DNAAF1: variants seen among roughly 807,000 people sequenced by gnomAD.
DNAAF1 encodes the protein dynein axonemal assembly factor 1.
In DNAAF1, 65 loss-of-function variants were observed where a neutral mutation model predicts 71.1. That is an observed-to-expected ratio of 0.91 (90% CI 0.75 to 1.12). DNAAF1 has a LOEUF of 1.12. Ranked by LOEUF, DNAAF1 falls within the 50% of genes most tolerant of loss-of-function variation. DNAAF1 has a pLI of 0.00. For missense variants in DNAAF1, 1,178 were observed against 899.8 expected, an observed-to-expected ratio of 1.31 and a Z score of -3.96; for synonymous variants, 414 against 354.6, an observed-to-expected ratio of 1.17 and a Z score of -1.88.
At chr16:84,150,487 G>C in intron 3 of DNAAF1, 145 bp downstream of exon 3, 2 of 730,242 alleles carry the variant, frequency 2.7e-6, no homozygotes, top group East Asian at 2.7e-5. Flanking sequence ...TTATGGAAAA[G>C]GAATAACATT....
chr16:84,152,643 G>C (rs1453312356), intron 3 of DNAAF1, among the ~76,000 whole-genome samples: 1 of 117,208 alleles, frequency 8.5e-6, no homozygotes, highest in East Asian at 2.5e-4. Context: ...GCAAGATTCT[G>C]TCTCAAAAAA....
intron 6 of DNAAF1, among the ~76,000 whole-genome samples, chr16:84,164,537 G>C (rs1271236904): frequency 1.3e-5 from 2 of 152,162 alleles, no homozygotes; most frequent in African/African-American, 4.8e-5. Context: ...TTTATGGACT[G>C]GCTTCTTTCA....
chr16:84,170,370 A>T lies in DNAAF1; in HGVS notation c.1528+14A>T. ...CTGCCAGGGAAGGTAATGTGAGCGG[A>T]GAAACACACACAGACACACACACCT... is the stretch of plus-strand genomic sequence containing the variant. On this transcript the variant is annotated intron_variant, in intron 8 of 11. Coordinates refer to ENST00000378553, the MANE Select transcript of DNAAF1 (RefSeq NM_178452.6). 1 of 1,613,572 alleles carries T rather than the reference A, an allele frequency of 6.2e-7. No homozygotes were observed. Among genetic ancestry groups the T allele is most frequent in the Non-Finnish European group, 8.5e-7 (1 of 1,180,024 alleles).
Position 84,145,373 on chromosome 16 carries a change from C to T in DNAAF1, c.-68C>T. 1.9e-6 allele frequency: 3 copies of T among 1,549,320 alleles called. No homozygotes were observed. The highest frequency in any genetic ancestry group is 2.6e-6 in the Non-Finnish European group (3 of 1,148,188). On this transcript the variant is annotated 5_prime_UTR_variant, in exon 1 of 12. Coordinates refer to ENST00000378553, the MANE Select transcript of DNAAF1 (RefSeq NM_178452.6). ...GGGTACTCTCTGGCTGGGCTGGGGC[C>T]GTAGCGACGTCCGCCGCGAACCTGG...
Position 84,165,762 on chromosome 16 carries a change from GTTTC to G in DNAAF1, c.864-17_864-14del, listed in dbSNP as rs141073777. The G allele has an allele frequency of 7.1e-3, 11,419 of 1,611,678 alleles. 664 individuals are homozygous for G. The African/African-American group carries it at 0.13, about 19-fold the overall frequency. On this transcript the variant is annotated splice_polypyrimidine_tract_variant and intron_variant, in intron 6 of 11. Transcript: ENST00000378553. The stretch of plus-strand genomic sequence containing the variant: ...TTTGGAGTTCACCTCCCCTATTTAT[GTTTC>G]TTTGTTTTTTAAACAGAGCTTGTGC...
intron 6 of DNAAF1, among the ~76,000 whole-genome samples, chr16:84,160,928 C>T (rs2087677653): frequency 6.7e-6 from 1 of 149,310 alleles, no homozygotes; most frequent in Non-Finnish European, 1.5e-5. Flanking sequence ...CAGAGCGAGA[C>T]TCCGTCTCAA....
At position 84,165,718 on chromosome 16, in the gene DNAAF1, G is replaced by A. The variant is rs1014386940; in HGVS notation, c.864-65G>A. ...CTTTGATTTTGAAGAAAATGAGCAA[G>A]TTGATCAGACAGTGTATGTTTGGAG... On this transcript the variant is annotated intron_variant, in intron 6 of 11. Transcript: ENST00000378553. The A allele has an allele frequency of 3.3e-6, 5 of 1,492,610 alleles. No individual in the cohort carries two copies. The African/African-American group carries it at 6.9e-5, about 21-fold the overall frequency. 92.5% of individuals were successfully genotyped at this position (1,492,610 alleles called of 1,614,324 possible).
intron 9 of DNAAF1, chr16:84,173,558 G>A: frequency 2.0e-6 from 2 of 984,876 alleles, no homozygotes; most frequent in Non-Finnish European, 2.4e-6. Flanking sequence ...CAAAGGCCAG[G>A]TGTGGAGGCT....
At chr16:84,172,215 C>T (rs1567564340) in intron 8 of DNAAF1, 45 bp from the exon 9 acceptor site, 1 of 1,581,436 alleles carries the variant, frequency 6.3e-7, no homozygotes, top group African/African-American at 1.3e-5. Flanking sequence ...GTCCATCTGC[C>T]TGCCGTGTGT....
intron 6 of DNAAF1, among the ~76,000 whole-genome samples, chr16:84,162,906 C>T (rs2087783520): frequency 6.6e-6 from 1 of 152,132 alleles, no homozygotes; most frequent in South Asian, 2.1e-4. Flanking sequence ...CACTCCTCTG[C>T]TTTCCCTCTC....
chr16:84,150,189 G>A (rs2151209686), intron 2 of DNAAF1, 62 bp from the exon 3 acceptor site: 2 of 1,270,408 alleles, frequency 1.6e-6, no homozygotes, highest in South Asian at 1.2e-5. Flanking sequence ...AAAGAACTGT[G>A]AGAATATGTT....
intron 1 of DNAAF1, among the ~76,000 whole-genome samples, chr16:84,145,913 T>C (rs1167402981): frequency 6.6e-6 from 1 of 151,952 alleles, no homozygotes; most frequent in African/African-American, 2.4e-5. Context: ...CTGGCCAACA[T>C]AGTGAAACCC....
intron 1 of DNAAF1, among the ~76,000 whole-genome samples, chr16:84,148,043 G>A (rs1029797053): frequency 6.6e-6 from 1 of 152,012 alleles, no homozygotes; most frequent in Non-Finnish European, 1.5e-5. Flanking sequence ...ACTCCAACCT[G>A]GGGGATAGAC....
At chr16:84,148,596 C>CTCTCTCTTTTTTTTTTTTTTTTTTTTT in intron 1 of DNAAF1, among the ~76,000 whole-genome samples, 12 of 43,572 alleles carry the variant, frequency 2.8e-4, no homozygotes, top group African/African-American at 5.5e-4. Flanking sequence ...CTCTCTCTCT[C>CTCTCTCTTTTTTTTTTTTTTTTTTTTT]TTTTTTTTTT....
In DNAAF1 at chr16:84,155,437, C is replaced by CA. The variant is rs577925984; in HGVS notation, c.575-145dup. ...GGATATGGGGTCTCACTGTGTTGCC[C>CA]AGGCTGGTCTCAAACCTCCTGGGCT... On this transcript the variant is annotated intron_variant, in intron 4 of 11. Coordinates refer to ENST00000378553, the MANE Select transcript of DNAAF1 (RefSeq NM_178452.6). 4,120 of 896,308 alleles carry CA rather than the reference C, an allele frequency of 4.6e-3. 21 individuals carry two copies. Among genetic ancestry groups the CA allele is most frequent in the Non-Finnish European group, 6.3e-3 (3,493 of 550,748 alleles). The allele number at this position is 896,308 out of a possible 1,614,324, so 55.5% of individuals were successfully genotyped here.
intron 3 of DNAAF1, among the ~76,000 whole-genome samples, chr16:84,152,186 C>G (rs756065243): frequency 6.6e-6 from 1 of 152,034 alleles, no homozygotes; most frequent in Admixed American, 6.6e-5. Context: ...GGGAGAGCAA[C>G]AAGTTGGAGA....
Position 84,177,025 on chromosome 16 carries a change from T to C in DNAAF1, c.2066-704T>C, listed in dbSNP as rs56993838. ...ATCTGCCTTCAGGTGCACTCCCAAATTGGGGGCTGTGTGGAGCCCAGACCG... is the reference window on the plus strand; with the variant it reads ...ATCTGCCTTCAGGTGCACTCCCAAACTGGGGGCTGTGTGGAGCCCAGACCG... On this transcript the variant is annotated intron_variant, in intron 11 of 11. Transcript: ENST00000378553. The C allele has an allele frequency of 3.9e-3, 638 of 165,354 alleles. 5 individuals are homozygous for C. Among genetic ancestry groups the C allele is most frequent in the African/African-American group, 0.015 (608 of 41,766 alleles). The allele number at this position is 165,354 out of a possible 1,614,324, so 10.2% of individuals were successfully genotyped here.
Position 84,172,938 on chromosome 16 carries a change from G to C in DNAAF1, c.1644+563G>C. The C allele has an allele frequency of 4.0e-6, 4 of 1,007,026 alleles. No homozygotes were observed. In the South Asian group the frequency reaches 1.3e-4, roughly 32 times the overall value. 62.4% of individuals were successfully genotyped at this position (1,007,026 alleles called of 1,614,324 possible). ...TCTTCCCTGAAGCTCTTCCCATTTTGTTGACAGTCTCAAATGCTTAGGCCC... is the reference window on the plus strand; with the variant it reads ...TCTTCCCTGAAGCTCTTCCCATTTTCTTGACAGTCTCAAATGCTTAGGCCC... On this transcript the variant is annotated intron_variant, in intron 9 of 11. Coordinates refer to ENST00000378553, the MANE Select transcript of DNAAF1 (RefSeq NM_178452.6).
chr16:84,169,726 A>G, intron 7 of DNAAF1, 133 bp from the exon 8 acceptor site: 1 of 1,329,884 alleles, frequency 7.5e-7, no homozygotes, highest in Non-Finnish European at 1.1e-6. Context: ...CAGCCCCTTG[A>G]GGACACTTTT....
Sources: allele counts gnomAD v4.1 joint callset (sites outside exome capture counted in the v4.1 genomes callset), GRCh38; gene constraint gnomAD v4.1.1; transcripts MANE v1.5; gene names NCBI Gene and HGNC (gene_info 2026-07-23, HGNC 2026-07-21).